The following ASB5 variants were observed in gnomAD, a reference collection of about 807,000 sequenced individuals.
The protein encoded by ASB5 is ankyrin repeat and SOCS box containing 5, also known as ankyrin repeat and SOCS box protein 5.
A neutral mutation model predicts 42.1 loss-of-function variants in ASB5; 45 were observed. That is an observed-to-expected ratio of 1.07 (90% CI 0.84 to 1.37). The LOEUF (loss-of-function observed/expected upper bound fraction) is 1.37. Among genes scored for constraint, ASB5 ranks in the 40% most tolerant of loss-of-function variants. The probability of loss-of-function intolerance (pLI) is 0.00; values close to 1 mark genes in which losing one functional copy is unlikely to be tolerated. For synonymous variants in ASB5, 147 were observed against 150.6 expected, an observed-to-expected ratio of 0.98 and a Z score of 0.18; for missense variants, 402 against 399.8, an observed-to-expected ratio of 1.01 and a Z score of -0.05.
At chr4:176,264,937 A>G (rs1333639983) in intron 1 of ASB5, among the ~76,000 whole-genome samples, 1 of 151,914 alleles carries the variant, frequency 6.6e-6, no homozygotes, top group Non-Finnish European at 1.5e-5. Context: ...TGTCCGTACC[A>G]CTATTACCAA....
intron 1 of ASB5, among the ~76,000 whole-genome samples, chr4:176,236,913 G>A (rs1428557440): frequency 2.6e-5 from 4 of 152,000 alleles, no homozygotes; most frequent in African/African-American, 9.7e-5. Flanking sequence ...TCATTTTCTT[G>A]CCTAAATCAT....
At chr4:176,224,255 G>T (rs1463298094) in intron 2 of ASB5, among the ~76,000 whole-genome samples, 1 of 110,450 alleles carries the variant, frequency 9.1e-6, no homozygotes, top group African/African-American at 3.0e-5. Flanking sequence ...TTTTGAGAGG[G>T]AGTCTCACTT....
chr4:176,232,109 T>TTA (rs993670414), intron 1 of ASB5, among the ~76,000 whole-genome samples: 2,911 of 140,698 alleles, frequency 0.021, 95 homozygotes, highest in African/African-American at 0.067. Flanking sequence ...CTTACCTATT[T>TTA]TATATATATA....
Position 176,215,575 on chromosome 4 carries a change from A to G in ASB5, c.*25T>C, listed in dbSNP as rs1483728075. 1 of 1,596,172 alleles carries G rather than the reference A, an allele frequency of 6.3e-7. No individual in the cohort carries two copies. Among genetic ancestry groups the G allele is most frequent in the Non-Finnish European group, 8.5e-7 (1 of 1,170,516 alleles). On this transcript the variant is annotated 3_prime_UTR_variant, in exon 7 of 7. Coordinates refer to ENST00000296525, the MANE Select transcript of ASB5 (RefSeq NM_080874.4). Reference sequence around the variant, plus strand: ...AAAGAAATAGAAATTTTGATTTTCAAGGTATTTAGAATTACTTTACTGTTT... The same window carrying G: ...AAAGAAATAGAAATTTTGATTTTCAGGGTATTTAGAATTACTTTACTGTTT...
At chr4:176,224,241 T>G (rs1458972966) in intron 2 of ASB5, among the ~76,000 whole-genome samples, 1 of 138,720 alleles carries the variant, frequency 7.2e-6, no homozygotes, top group Non-Finnish European at 1.5e-5. Flanking sequence ...TTTTTTTTTT[T>G]TTTTTTTGAG....
At chr4:176,242,827 A>T (rs1012903392) in intron 1 of ASB5, among the ~76,000 whole-genome samples, 3 of 151,978 alleles carry the variant, frequency 2.0e-5, no homozygotes, top group Non-Finnish European at 2.9e-5. Flanking sequence ...ACTTTAAAAT[A>T]TTTTTTCTTA....
chr4:176,260,754 T>C (rs1404421907), intron 1 of ASB5, among the ~76,000 whole-genome samples: 91 of 152,174 alleles, frequency 6.0e-4, no homozygotes, highest in Admixed American at 6.0e-3. Flanking sequence ...CTCGGCTCAC[T>C]GCAACTTCCG....
At chr4:176,221,807 G>C (rs1301956212) in intron 3 of ASB5, among the ~76,000 whole-genome samples, 1 of 152,094 alleles carries the variant, frequency 6.6e-6, no homozygotes, top group Non-Finnish European at 1.5e-5. Context: ...TAATTCATTG[G>C]AATGGGCATA....
rs571429121 is a variant in ASB5, at chr4:176,228,893, C to T, written c.197-3552G>A. On this transcript the variant is annotated intron_variant, in intron 1 of 6. Transcript: ENST00000296525. Reference sequence around the variant, plus strand: ...GGCATCTGTTTGTATGATCATTAAACAACATGATTGCAGAATGAAATTCTG... The same window carrying T: ...GGCATCTGTTTGTATGATCATTAAATAACATGATTGCAGAATGAAATTCTG... 2.6e-5 allele frequency among the ~76,000 whole-genome samples: 4 copies of T among 152,204 alleles called. No individual in the cohort carries two copies. The South Asian group carries it at 8.3e-4, about 32-fold the overall frequency.
intron 5 of ASB5, among the ~76,000 whole-genome samples, chr4:176,218,028 C>T (rs923130201): frequency 2.0e-5 from 3 of 150,232 alleles, no homozygotes; most frequent in Admixed American, 1.3e-4. Context: ...AACAAAATTT[C>T]CATAAAGAAA....
At chr4:176,263,938 T>A (rs1332252210) in intron 1 of ASB5, among the ~76,000 whole-genome samples, 1 of 151,998 alleles carries the variant, frequency 6.6e-6, no homozygotes, top group Non-Finnish European at 1.5e-5. Context: ...GCTTTTCCTA[T>A]CCAGGTTACA....
rs1754423429 is a variant in ASB5, at chr4:176,269,157, T to C, written c.-49A>G. 2 of 1,557,926 alleles carry C rather than the reference T, an allele frequency of 1.3e-6. No homozygotes were observed. The highest frequency in any genetic ancestry group is 1.2e-5 in the South Asian group (1 of 84,846). ...TCTTTAGTTGGATCCAAGTCTCAAA[T>C]GTGCCTGGCTCTCGTCCGGGATGCT... On this transcript the variant is annotated 5_prime_UTR_variant, in exon 1 of 7. Transcript: ENST00000296525.
chr4:176,246,594 A>G (rs950295478), intron 1 of ASB5, among the ~76,000 whole-genome samples: 3 of 152,216 alleles, frequency 2.0e-5, no homozygotes, highest in African/African-American at 4.8e-5. Flanking sequence ...TGATACGGGG[A>G]ATGCTTTTTT....
At chr4:176,235,968 G>T (rs1226467644) in intron 1 of ASB5, among the ~76,000 whole-genome samples, 2 of 151,830 alleles carry the variant, frequency 1.3e-5, no homozygotes, top group African/African-American at 4.8e-5. Flanking sequence ...TCCTGCCTCA[G>T]CCTTCTGAGT....
At chr4:176,218,347 A>AAT (rs539894623) in intron 5 of ASB5, among the ~76,000 whole-genome samples, 400 of 19,258 alleles carry the variant, frequency 0.021, 12 homozygotes, top group Middle Eastern at 0.05. Context: ...ATGATATATA[A>AAT]ATATATATTT....
At chr4:176,245,354 C>A (rs1187922640) in intron 1 of ASB5, among the ~76,000 whole-genome samples, 2 of 152,186 alleles carry the variant, frequency 1.3e-5, no homozygotes, top group African/African-American at 4.8e-5. Flanking sequence ...GAGGTATCAT[C>A]TCACACCAGT....
intron 2 of ASB5, among the ~76,000 whole-genome samples, chr4:176,224,205 T>C (rs1275020571): frequency 6.7e-6 from 1 of 150,028 alleles, no homozygotes; most frequent in Non-Finnish European, 1.5e-5. Context: ...GACTTCCAGA[T>C]CTGGATGTGC....
intron 5 of ASB5, among the ~76,000 whole-genome samples, chr4:176,220,810 T>A (rs1330666318): frequency 6.6e-6 from 1 of 152,186 alleles, no homozygotes; most frequent in South Asian, 2.1e-4. Context: ...GACATATACA[T>A]ACTTGGCAAC....
chr4:176,229,599 C>G (rs566941994), intron 1 of ASB5, among the ~76,000 whole-genome samples: 3 of 152,080 alleles, frequency 2.0e-5, no homozygotes, highest in African/African-American at 4.8e-5. Context: ...TGTTTCCCCC[C>G]AGGCTGTCGC....
Sources: gnomAD v4.1 joint callset for allele counts (sites outside exome capture counted in the v4.1 genomes callset) on GRCh38, gnomAD v4.1.1 for gene constraint, MANE v1.5 for transcripts, NCBI Gene and HGNC (gene_info 2026-07-23, HGNC 2026-07-21) for gene names.